Variants in DPYD observed in about 807,000 individuals in gnomAD.
The protein encoded by DPYD is dihydropyrimidine dehydrogenase.
A neutral mutation model predicts 116.2 loss-of-function variants in DPYD; 109 were observed. That is an observed-to-expected ratio of 0.94 (90% CI 0.80 to 1.10). DPYD has a LOEUF of 1.10. DPYD is among the 50% of genes least tolerant of loss of function. The pLI is 0.00. For synonymous variants in DPYD, 440 were observed against 432.0 expected (o/e 1.02, Z -0.23); for missense variants, 1,302 against 1,254.5 (o/e 1.04, Z -0.57).
chr1:97,661,795 A>T (rs1054060070), intron 8 of DPYD, among the ~76,000 whole-genome samples: 4 of 151,964 alleles, frequency 2.6e-5, no homozygotes, highest in African/African-American at 9.7e-5. Flanking sequence ...AATTAATGTT[A>T]AGGAAATTTG....
intron 8 of DPYD, among the ~76,000 whole-genome samples, chr1:97,662,692 C>A (rs891276398): frequency 6.6e-6 from 1 of 151,952 alleles, no homozygotes; most frequent in African/African-American, 2.4e-5. Context: ...GTGGACTAAC[C>A]TTTTTTTGCC....
At chr1:97,555,283 C>T (rs1651611636) in intron 11 of DPYD, among the ~76,000 whole-genome samples, 1 of 152,108 alleles carries the variant, frequency 6.6e-6, no homozygotes, top group Non-Finnish European at 1.5e-5. Flanking sequence ...AATATTCAGT[C>T]CACTGCACTT....
rs545970883 is a variant in DPYD at position 97,178,642 on chromosome 1, G to A, written c.2622+14427C>T. 2.0e-5 allele frequency among the ~76,000 whole-genome samples: 3 copies of A among 152,100 alleles called. No homozygotes were observed. The South Asian group carries it at 6.2e-4, about 32-fold the overall frequency. On this transcript the variant is annotated intron_variant, in intron 20 of 22. Transcript: ENST00000370192. ...CAATTCAAGATGAGATTTGGGTGGG[G>A]GCACAAAATCTAACCATATAAATGA... is the stretch of plus-strand genomic sequence containing the variant.
At chr1:97,871,881 T>C (rs1199266466) in intron 2 of DPYD, among the ~76,000 whole-genome samples, 1 of 151,858 alleles carries the variant, frequency 6.6e-6, no homozygotes, top group Non-Finnish European at 1.5e-5. Context: ...TTATAAATGC[T>C]GATAATGATA....
chr1:97,563,917 C>A (rs1652339318), intron 11 of DPYD, among the ~76,000 whole-genome samples: 1 of 152,122 alleles, frequency 6.6e-6, no homozygotes, highest in Non-Finnish European at 1.5e-5. Flanking sequence ...CTAGATTCCA[C>A]CACTTCATCC....
intron 20 of DPYD, among the ~76,000 whole-genome samples, chr1:97,133,977 T>A (rs1653529593): frequency 7.9e-6 from 1 of 125,888 alleles, no homozygotes; most frequent in Non-Finnish European, 1.6e-5. Flanking sequence ...CCAGCCTGGG[T>A]CACAGAGCCA....
At chr1:97,764,679 T>C (rs1346357256) in intron 3 of DPYD, among the ~76,000 whole-genome samples, 1 of 152,126 alleles carries the variant, frequency 6.6e-6, no homozygotes, top group Non-Finnish European at 1.5e-5. Context: ...ATCTTTTTCC[T>C]AAGAATAAAC....
chr1:97,122,774 TAAA>T (rs1041332975), intron 20 of DPYD, among the ~76,000 whole-genome samples: 1 of 152,104 alleles, frequency 6.6e-6, no homozygotes, highest in East Asian at 1.9e-4. Context: ...TCCCTTCAGT[TAAA>T]AAAAGAAACT....
intron 14 of DPYD, among the ~76,000 whole-genome samples, chr1:97,423,158 G>T (rs562275216): frequency 6.6e-6 from 1 of 152,254 alleles, no homozygotes; most frequent in South Asian, 2.1e-4. Context: ...CCTAGCAAGA[G>T]AAATCATATT....
chr1:97,699,252 G>A, intron 6 of DPYD, 99 bp downstream of exon 6: 2 of 1,203,574 alleles, frequency 1.7e-6, no homozygotes, highest in Admixed American at 1.8e-5. Context: ...TACCATCTGT[G>A]AGCCTGAAGT....
At chr1:97,852,816 C>T (rs904128672) in intron 2 of DPYD, among the ~76,000 whole-genome samples, 1 of 152,056 alleles carries the variant, frequency 6.6e-6, no homozygotes, top group African/African-American at 2.4e-5. Context: ...AAATGATGTT[C>T]GTCACAATTC....
chr1:97,288,036 C>T (rs1283542247), intron 18 of DPYD, among the ~76,000 whole-genome samples: 1 of 150,120 alleles, frequency 6.7e-6, no homozygotes, highest in Non-Finnish European at 1.5e-5. Flanking sequence ...GGTTGCAATC[C>T]TACTCTCTGA....
chr1:97,199,760 T>C (rs556896775), intron 19 of DPYD, among the ~76,000 whole-genome samples: 2 of 152,086 alleles, frequency 1.3e-5, no homozygotes, highest in South Asian at 2.1e-4. Context: ...CTCCTTTACA[T>C]CTGAAAAAGG....
intron 14 of DPYD, among the ~76,000 whole-genome samples, chr1:97,403,501 A>G (rs1270847814): frequency 6.6e-6 from 1 of 152,086 alleles, no homozygotes; most frequent in Non-Finnish European, 1.5e-5. Context: ...TTTAATAGAT[A>G]TAAGCTGATT....
intron 3 of DPYD, among the ~76,000 whole-genome samples, chr1:97,776,007 T>A (rs1185897450): frequency 6.6e-6 from 1 of 152,142 alleles, no homozygotes; most frequent in African/African-American, 2.4e-5. Context: ...ACATGTGATG[T>A]TTGATAAGGT....
At chr1:97,868,887 A>C (rs1404725727) in intron 2 of DPYD, among the ~76,000 whole-genome samples, 1 of 151,828 alleles carries the variant, frequency 6.6e-6, no homozygotes, top group East Asian at 1.9e-4. Flanking sequence ...TCTATATCTC[A>C]AACATGATTT....
At chr1:97,499,162 GTTTA>G (rs1679437209) in intron 13 of DPYD, among the ~76,000 whole-genome samples, 1 of 151,482 alleles carries the variant, frequency 6.6e-6, no homozygotes, top group Non-Finnish European at 1.5e-5. Flanking sequence ...AACAATTTCT[GTTTA>G]TTTAAAACAG....
At chr1:97,384,911 A>C (rs1041908267) in intron 14 of DPYD, among the ~76,000 whole-genome samples, 2 of 152,142 alleles carry the variant, frequency 1.3e-5, no homozygotes, top group Admixed American at 6.6e-5. Flanking sequence ...TAGATGATGG[A>C]TAGAGAAGGA....
At chr1:97,822,596 CA>C (rs910387633) in intron 3 of DPYD, among the ~76,000 whole-genome samples, 2 of 151,130 alleles carry the variant, frequency 1.3e-5, no homozygotes, top group African/African-American at 4.9e-5. Context: ...TAAATTAATA[CA>C]AAAAAAAGTA....
Sources: allele counts gnomAD v4.1 joint callset (sites outside exome capture counted in the v4.1 genomes callset), GRCh38; gene constraint gnomAD v4.1.1; transcripts MANE v1.5; gene names NCBI Gene and HGNC (gene_info 2026-07-23, HGNC 2026-07-21).